The following ALDH3A2 variants were observed in gnomAD, a reference collection of about 807,000 sequenced individuals.
ALDH3A2 encodes aldehyde dehydrogenase family 3 member A2.
ALDH3A2 carries 36 observed loss-of-function variants against 51.3 expected under a neutral mutation model. The observed-to-expected ratio is 0.70, with a 90% confidence interval of 0.54 to 0.93. ALDH3A2 has a LOEUF of 0.93. Ranked by LOEUF, ALDH3A2 falls within the 40% of genes least tolerant of loss-of-function variation. ALDH3A2 has a pLI of 0.00. For synonymous variants in ALDH3A2, 199 were observed against 219.8 expected (o/e 0.91, Z 0.84); for missense variants, 552 against 603.1 (o/e 0.92, Z 0.89).
At chr17:19,658,145 C>T (rs758856488) in intron 5 of ALDH3A2, among the ~76,000 whole-genome samples, 1 of 151,954 alleles carries the variant, frequency 6.6e-6, no homozygotes, top group African/African-American at 2.4e-5. Context: ...ATCGTGTGTC[C>T]GTGGTTTTGA....
chr17:19,649,216 A>G (rs974088174), intron 1 of ALDH3A2, 92 bp downstream of exon 1: 2 of 1,479,456 alleles, frequency 1.4e-6, no homozygotes, highest in Non-Finnish European at 1.8e-6. Flanking sequence ...TTGCTTTTAC[A>G]TTTCGGATTA....
chr17:19,675,349 G>A, intron 9 of ALDH3A2: 1 of 609,260 alleles, frequency 1.6e-6, no homozygotes, highest in Non-Finnish European at 2.9e-6. Flanking sequence ...TATTGTTATT[G>A]TTGTTTTTTG....
intron 8 of ALDH3A2, among the ~76,000 whole-genome samples, chr17:19,666,130 A>G (rs1177201775): frequency 6.6e-6 from 1 of 152,050 alleles, no homozygotes; most frequent in Non-Finnish European, 1.5e-5. Context: ...GGGTGGTAGC[A>G]GGGGAGATAG....
At chr17:19,656,782 A>G (rs1163950282) in intron 4 of ALDH3A2, among the ~76,000 whole-genome samples, 1 of 152,314 alleles carries the variant, frequency 6.6e-6, no homozygotes, top group Admixed American at 6.5e-5. Context: ...TCCTGACATC[A>G]TGTGGTTGTC....
chr17:19,656,204 C>T (rs1230411973), intron 3 of ALDH3A2, 162 bp from the exon 4 acceptor site: 2 of 720,572 alleles, frequency 2.8e-6, no homozygotes, highest in Non-Finnish European at 5.0e-6. Context: ...TGTGTGTTCT[C>T]CTCTTGTCCT....
At chr17:19,669,810 ATTTTTT>A (rs1479118590) in intron 8 of ALDH3A2, among the ~76,000 whole-genome samples, 1 of 151,840 alleles carries the variant, frequency 6.6e-6, no homozygotes, top group Non-Finnish European at 1.5e-5. Context: ...AATTAAAAAA[ATTTTTT>A]TTGTATAGAG....
intron 9 of ALDH3A2, among the ~76,000 whole-genome samples, chr17:19,673,509 G>A (rs552383021): frequency 5.4e-4 from 82 of 152,026 alleles, no homozygotes; most frequent in African/African-American, 1.7e-3. Context: ...CCTGAGTTCC[G>A]GAGTTCGAGA....
chr17:19,665,793 G>A (rs755746211), intron 8 of ALDH3A2, among the ~76,000 whole-genome samples: 2 of 152,108 alleles, frequency 1.3e-5, no homozygotes, highest in Non-Finnish European at 2.9e-5. Context: ...CAAAATAGCC[G>A]ATATGTAAAC....
Position 19,666,058 on chromosome 17 carries a change from C to T in ALDH3A2, c.1207+1011C>T, listed in dbSNP as rs570037680. On this transcript the variant is annotated intron_variant, in intron 8 of 9. Transcript: ENST00000176643. ...GTGACTGACATGAGTGAGGGACAGG[C>T]GGGAAGAGGCCAATTGGTAGGTATT... is the stretch of plus-strand genomic sequence containing the variant. Among the ~76,000 whole-genome samples the T allele has an allele frequency of 4.0e-5, 6 of 151,878 alleles. No homozygotes were observed. The East Asian group carries it at 7.7e-4, about 20-fold the overall frequency.
chr17:19,664,143 T>C (rs574453060), intron 7 of ALDH3A2, among the ~76,000 whole-genome samples: 7 of 152,324 alleles, frequency 4.6e-5, no homozygotes, highest in Non-Finnish European at 8.8e-5. Flanking sequence ...TGTGAGACTA[T>C]TGAGATACAG....
intron 5 of ALDH3A2, among the ~76,000 whole-genome samples, chr17:19,660,893 T>G (rs1292737052): frequency 1.3e-5 from 2 of 152,204 alleles, no homozygotes; most frequent in East Asian, 3.8e-4. Flanking sequence ...CCTTTGGAAC[T>G]ATGGACAATG....
intron 8 of ALDH3A2, among the ~76,000 whole-genome samples, chr17:19,667,388 T>A (rs1342382633): frequency 6.6e-6 from 1 of 152,222 alleles, no homozygotes; most frequent in Non-Finnish European, 1.5e-5. Flanking sequence ...CTCTGATTAT[T>A]TCTTTAGGAA....
At chr17:19,672,665 A>T (rs1232797381) in intron 9 of ALDH3A2, among the ~76,000 whole-genome samples, 1 of 152,192 alleles carries the variant, frequency 6.6e-6, no homozygotes. Flanking sequence ...TCAACTGAGG[A>T]TATAACATTG....
intron 7 of ALDH3A2, 127 bp from the exon 8 acceptor site, chr17:19,664,821 C>T: frequency 1.4e-6 from 1 of 716,510 alleles, no homozygotes; most frequent in Non-Finnish European, 2.5e-6. Flanking sequence ...AGAATTTTCA[C>T]TGACACAAAG....
At chr17:19,671,978 G>C (rs371825863) in intron 9 of ALDH3A2, 22 bp downstream of exon 9, 15 of 1,599,004 alleles carry the variant, frequency 9.4e-6, no homozygotes, top group Non-Finnish European at 1.7e-6. Flanking sequence ...TAACCCATGA[G>C]TGCCATTCAG....
chr17:19,665,027 C>G lies in ALDH3A2; in HGVS notation c.1187C>G (p.Ser396Cys). The G allele has an allele frequency of 1.2e-6, 2 of 1,613,944 alleles. No homozygotes were observed. The highest frequency in any genetic ancestry group is 1.7e-6 in the Non-Finnish European group (2 of 1,179,870). The change falls in exon 8 of 10, where the codon TCT becomes TGT. Residue 396 changes from serine to cysteine, a missense_variant. Transcript: ENST00000176643. ...NDVIMHFTLNSFPFGGVGSSG... is the reference protein window; with the variant it reads ...NDVIMHFTLNCFPFGGVGSSG... ...GTCATTATGCACTTCACGCTCAACT[C>G]TTTCCCATTTGGAGGAGTGGGTGAG...
intron 6 of ALDH3A2, among the ~76,000 whole-genome samples, chr17:19,661,768 A>G (rs1278765613): frequency 2.6e-5 from 4 of 152,152 alleles, no homozygotes; most frequent in African/African-American, 9.7e-5. Flanking sequence ...AGTAACATAT[A>G]AGGTGACAGA....
In ALDH3A2 at chr17:19,661,171, G is replaced by T; in HGVS notation, c.843G>T (p.Arg281Ser). 1 of 1,613,094 alleles carries T rather than the reference G, an allele frequency of 6.2e-7. No homozygotes were observed. Among genetic ancestry groups the T allele is most frequent in the Non-Finnish European group, 8.5e-7 (1 of 1,179,096 alleles). The change falls in exon 6 of 10, where the codon AGG (arginine) becomes AGT (serine). Residue 281 changes from arginine to serine, a missense_variant. Transcript: ENST00000176643. ...ENIKESPDYE[R>S]IINLRHFKRI... ...TAAAAGAGTCTCCTGATTATGAAAG[G>T]ATCATCAATCTTCGTCATTTTAAGA...
In ALDH3A2 at chr17:19,660,138, T is replaced by C. The variant is rs566742667; in HGVS notation, c.799-989T>C. Among the ~76,000 whole-genome samples the C allele has an allele frequency of 1.5e-3, 226 of 152,228 alleles. 5 individuals carry two copies. In the South Asian group the frequency reaches 0.045, roughly 30 times the overall value. ...GGTGATGAATTCAATTTCAAAGGAA[T>C]AAGGGCCTCTGCCTCCCTTTGAGGC... On this transcript the variant is annotated intron_variant, in intron 5 of 9. Transcript: ENST00000176643.
Sources: allele counts gnomAD v4.1 joint callset (sites outside exome capture counted in the v4.1 genomes callset), GRCh38; gene constraint gnomAD v4.1.1; transcripts MANE v1.5; gene names NCBI Gene and HGNC (gene_info 2026-07-23, HGNC 2026-07-21).